The following ESYT2 variants were observed in gnomAD, a reference collection of about 807,000 sequenced individuals.
The protein encoded by ESYT2 is extended synaptotagmin 2.
A neutral mutation model predicts 107.2 loss-of-function variants in ESYT2; 54 were observed. The observed-to-expected ratio is 0.50, with a 90% CI of 0.40 to 0.63. ESYT2 has a LOEUF of 0.63. Ranked by LOEUF, ESYT2 falls within the 30% of genes least tolerant of loss-of-function variation. The probability of loss-of-function intolerance (pLI) is 0.00; values close to 1 mark genes in which losing one functional copy is unlikely to be tolerated. For missense variants in ESYT2, 1,020 were observed against 1,094.5 expected (o/e 0.93, Z 0.96); for synonymous variants, 491 against 434.1 (o/e 1.13, Z -1.63).
chr7:158,770,699 T>C (rs1301176235), intron 7 of ESYT2, among the ~76,000 whole-genome samples: 1 of 152,026 alleles, frequency 6.6e-6, no homozygotes, highest in Non-Finnish European at 1.5e-5. Flanking sequence ...GTATTTTCAG[T>C]AGAGACAGGG....
At position 158,829,110 on chromosome 7, in the gene ESYT2, G is replaced by C. The variant is rs767958226; in HGVS notation, c.309C>G (p.Arg103=). The C allele has an allele frequency of 6.3e-7, 1 of 1,581,302 alleles. No individual in the cohort carries two copies. Among genetic ancestry groups the C allele is most frequent in the South Asian group, 1.1e-5 (1 of 89,178 alleles). ...TCACCCAGGCGGGCAGGTCGCAGGC[G>C]CGCACCCCCAGGCGCACGACGCGCT... ...DEERVVRLGV[R]ACDLPAWVHF... The change falls in exon 1 of 23, where the codon CGC becomes CGG. Residue 103 remains arginine, a synonymous_variant. Transcript: ENST00000275418.
intron 13 of ESYT2, among the ~76,000 whole-genome samples, chr7:158,756,451 T>C (rs1293200486): frequency 6.6e-6 from 1 of 152,226 alleles, no homozygotes; most frequent in Non-Finnish European, 1.5e-5. Flanking sequence ...ACTTTTCTTC[T>C]CCCTTAGGAG....
At chr7:158,743,846 T>TGAGG (rs1837304925) in intron 16 of ESYT2, 168 bp from the exon 17 acceptor site, 1 of 652,202 alleles carries the variant, frequency 1.5e-6, no homozygotes, top group East Asian at 3.7e-5. Flanking sequence ...TTTGGGAGGC[T>TGAGG]CAGATCACCT....
At chr7:158,751,535 A>C (rs938994102) in intron 14 of ESYT2, among the ~76,000 whole-genome samples, 19 of 152,336 alleles carry the variant, frequency 1.2e-4, no homozygotes, top group African/African-American at 4.3e-4. Context: ...TATTGCATCT[A>C]TCTGAACCTC....
chr7:158,802,293 AT>A (rs113165168), intron 1 of ESYT2, among the ~76,000 whole-genome samples: 5,040 of 149,350 alleles, frequency 0.034, 226 homozygotes, highest in African/African-American at 0.11. Flanking sequence ...CGATATAAGC[AT>A]TTTTTTTTTT....
chr7:158,759,366 G>T, intron 13 of ESYT2, 120 bp downstream of exon 13: 2 of 743,020 alleles, frequency 2.7e-6, no homozygotes, highest in Admixed American at 5.1e-5. Flanking sequence ...ACTTGGACGT[G>T]AAGTGAAAAC....
At chr7:158,743,748 C>A (rs748058892) in intron 16 of ESYT2, 70 bp from the exon 17 acceptor site, 1 of 1,485,672 alleles carries the variant, frequency 6.7e-7, no homozygotes, top group Non-Finnish European at 9.0e-7. Context: ...ACGTTGTCTA[C>A]GCTCCTGACC....
chr7:158,782,070 GGTGT>G (rs1584841584), intron 6 of ESYT2, among the ~76,000 whole-genome samples: 3 of 120,422 alleles, frequency 2.5e-5, no homozygotes, highest in Non-Finnish European at 1.7e-5. Flanking sequence ...TGTGAAGTGT[GGTGT>G]ATGTAAGAAC....
At chr7:158,764,928 T>G (rs1014717620) in intron 8 of ESYT2, 75 bp from the exon 9 acceptor site, 14 of 1,427,716 alleles carry the variant, frequency 9.8e-6, no homozygotes, top group Non-Finnish European at 1.3e-5. Context: ...GCTACGCACC[T>G]AACCCCGTCT....
chr7:158,764,528 TTTTTA>T lies in ESYT2; in HGVS notation c.1101+144_1101+148del, dbSNP rs1336024212. Reference sequence around the variant, plus strand: ...GTAGTAAGGAGAGAAGGTACGACACTTTTTAAAGATGGGAAATTAAACAAGGAACA... The same window carrying T: ...GTAGTAAGGAGAGAAGGTACGACACTAAGATGGGAAATTAAACAAGGAACA... On this transcript the variant is annotated intron_variant, in intron 9 of 22. Transcript: ENST00000275418. 3 of 841,180 alleles carry T rather than the reference TTTTTA, an allele frequency of 3.6e-6. No homozygotes were observed. In the Admixed American group the frequency reaches 7.8e-5, roughly 22 times the overall value. The allele number at this position is 841,180 out of a possible 1,614,324, so 52.1% of individuals were successfully genotyped here.
chr7:158,739,020 C>A lies in ESYT2; in HGVS notation c.2267+3G>T, dbSNP rs780226041. ...AGCGGGCGCGTGGGACCCCAGCCCC[C>A]ACCTGCAGGCATGCACGACCACGAT... On this transcript the variant is annotated splice_donor_region_variant and intron_variant, in intron 19 of 22. Coordinates refer to ENST00000275418, the MANE Select transcript of ESYT2 (RefSeq NM_001367773.1). The A allele has an allele frequency of 1.9e-6, 3 of 1,613,856 alleles. No individual in the cohort carries two copies. Among genetic ancestry groups the A allele is most frequent in the Non-Finnish European group, 2.5e-6 (3 of 1,179,844 alleles).
intron 11 of ESYT2, 131 bp from the exon 12 acceptor site, chr7:158,760,278 G>A: frequency 1.3e-6 from 1 of 752,906 alleles, no homozygotes; most frequent in African/African-American, 1.7e-5. Flanking sequence ...TAACGCGAAG[G>A]CTGAGCCTCA....
rs1408262448 is a variant in ESYT2, at chr7:158,731,194, TTA to T, written c.*3011_*3012del. 1.3e-5 allele frequency: 2 copies of T among 152,146 alleles called. No homozygotes were observed. The highest frequency in any genetic ancestry group is 2.4e-5 in the African/African-American group (1 of 41,436). The allele number at this position is 152,146 out of a possible 1,614,324, so 9.4% of individuals were successfully genotyped here. A position where few individuals can be genotyped will look rare whatever the true frequency, so the allele number is the denominator to read the frequency against. On this transcript the variant is annotated 3_prime_UTR_variant, in exon 23 of 23. Transcript: ENST00000275418. ...AGCTACACACAGGCCTGCATTTGGC[TTA>T]TGTGCCTGAAAAAGAAGGGCCGACC...
At chr7:158,815,180 G>C (rs1248154901) in intron 1 of ESYT2, among the ~76,000 whole-genome samples, 1 of 152,204 alleles carries the variant, frequency 6.6e-6, no homozygotes, top group Non-Finnish European at 1.5e-5. Flanking sequence ...AGTGCAGAGA[G>C]GCAGCTCCCT....
At chr7:158,806,100 C>A (rs12698282) in intron 1 of ESYT2, among the ~76,000 whole-genome samples, 1 of 23,046 alleles carries the variant, frequency 4.3e-5, no homozygotes, top group Admixed American at 6.6e-4. Flanking sequence ...GGGCACACCG[C>A]GTGGGAGGCG....
chr7:158,809,425 G>A (rs575622343), intron 1 of ESYT2, among the ~76,000 whole-genome samples: 13 of 120,660 alleles, frequency 1.1e-4, no homozygotes, highest in South Asian at 8.5e-4. Flanking sequence ...GCAGTGAGCC[G>A]AGATCGCACC....
chr7:158,764,729 T>C lies in ESYT2; in HGVS notation c.1049A>G (p.Gln350Arg), dbSNP rs369961286. ...GIIRVGNQIF[Q>R]SRVIKENLSP... ...GAGGTTCTCCTTGATGACTCTGCTT[T>C]GGAAGATTTGGTTGCCAACTCTAAT... is the stretch of plus-strand genomic sequence containing the variant. The change falls in exon 9 of 23, where the codon CAA becomes CGA. Residue 350 changes from glutamine to arginine, a missense_variant. Coordinates refer to ENST00000275418, the MANE Select transcript of ESYT2 (RefSeq NM_001367773.1). 8.1e-6 allele frequency: 13 copies of C among 1,614,160 alleles called. No homozygotes were observed. The highest frequency in any genetic ancestry group is 1.1e-5 in the Non-Finnish European group (13 of 1,180,022).
rs113836815 is a variant in ESYT2 at position 158,804,318 on chromosome 7, C to T, written c.331-5246G>A. On this transcript the variant is annotated intron_variant, in intron 1 of 22. Transcript: ENST00000275418. ...AAACCGTCGAGAAGGGTGAGGCGCGCGACAAACCCAAACCGCCGAGAAGGG... is the reference window on the plus strand; with the variant it reads ...AAACCGTCGAGAAGGGTGAGGCGCGTGACAAACCCAAACCGCCGAGAAGGG... Among the ~76,000 whole-genome samples the T allele has an allele frequency of 1.8e-3, 177 of 98,206 alleles. 4 individuals carry two copies. Among genetic ancestry groups the T allele is most frequent in the Non-Finnish European group, 2.8e-3 (140 of 49,772 alleles). 64.4% of individuals were successfully genotyped at this position (98,206 alleles called of 152,430 possible).
At chr7:158,800,874 G>A (rs1006051525) in intron 1 of ESYT2, among the ~76,000 whole-genome samples, 2 of 151,940 alleles carry the variant, frequency 1.3e-5, no homozygotes, top group South Asian at 2.1e-4. Context: ...GATTACAGGC[G>A]GGTACCGCCA....
Sources: allele counts gnomAD v4.1 joint callset (sites outside exome capture counted in the v4.1 genomes callset), GRCh38; gene constraint gnomAD v4.1.1; transcripts MANE v1.5; gene names NCBI Gene and HGNC (gene_info 2026-07-23, HGNC 2026-07-21).